NSMAF: variants seen among roughly 807,000 people sequenced by gnomAD.
The protein encoded by NSMAF is protein FAN.
In NSMAF, 90 loss-of-function variants were observed where a neutral mutation model predicts 134.9. That is an observed-to-expected ratio of 0.67 (90% CI 0.56 to 0.79). The LOEUF (loss-of-function observed/expected upper bound fraction) is 0.79. NSMAF is among the 30% of genes least tolerant of loss of function. The probability of loss-of-function intolerance (pLI) is 0.00; values close to 1 mark genes in which losing one functional copy is unlikely to be tolerated. For synonymous variants in NSMAF, 358 were observed against 389.6 expected (o/e 0.92, Z 0.96); for missense variants, 1,010 against 1,119.0 (o/e 0.90, Z 1.39).
intron 1 of NSMAF, 25 bp downstream of exon 1, chr8:58,659,548 G>C (rs1322639034): frequency 2.6e-6 from 4 of 1,524,616 alleles, no homozygotes; most frequent in Non-Finnish European, 3.5e-6. Context: ...CCCCCGGCTG[G>C]GCCCTTCTTC....
Position 58,586,478 on chromosome 8 carries a change from C to A in NSMAF, c.2426G>T (p.Cys809Phe). ...HQIPCHSGIV[C>F]DTAFSPDSRH... ...TCTACCTGGGCTAAAAGCAGTGTCA[C>A]ATACAATCCCTGAATGGCATGGAAT... is the stretch of plus-strand genomic sequence containing the variant. Residue 809 changes from cysteine (C) to phenylalanine (F), a missense_variant, in exon 28 of 31, where the codon TGT becomes TTT. Coordinates refer to ENST00000038176, the MANE Select transcript of NSMAF (RefSeq NM_003580.4). 6.2e-7 allele frequency: 1 copy of A among 1,608,534 alleles called. No individual in the cohort carries two copies. Among genetic ancestry groups the A allele is most frequent in the Non-Finnish European group, 8.5e-7 (1 of 1,179,958 alleles).
intron 23 of NSMAF, among the ~76,000 whole-genome samples, chr8:58,592,034 TGAAAAC>T (rs1806032613): frequency 6.6e-6 from 1 of 152,232 alleles, no homozygotes; most frequent in Non-Finnish European, 1.5e-5. Flanking sequence ...AGCATTAATT[TGAAAAC>T]GAAAACAGAA....
intron 9 of NSMAF, among the ~76,000 whole-genome samples, chr8:58,618,308 A>C (rs989113687): frequency 6.6e-6 from 1 of 152,112 alleles, no homozygotes; most frequent in Non-Finnish European, 1.5e-5. Context: ...TTAAAGTATA[A>C]TTTTTTTAAA....
Position 58,601,270 on chromosome 8 carries a change from G to A in NSMAF, c.1280+15C>T. 1 of 1,600,328 alleles carries A rather than the reference G, an allele frequency of 6.2e-7. No individual in the cohort carries two copies. The highest frequency in any genetic ancestry group is 8.6e-7 in the Non-Finnish European group (1 of 1,167,494). On this transcript the variant is annotated intron_variant, in intron 16 of 30. Transcript: ENST00000038176. ...GAAAGTGTTAAAAATGATAAGCAAG[G>A]CATTTGTATCAAACCTGTTGAACAT...
intron 6 of NSMAF, among the ~76,000 whole-genome samples, chr8:58,625,546 G>A (rs530570021): frequency 2.6e-5 from 4 of 151,988 alleles, no homozygotes; most frequent in East Asian, 3.9e-4. Flanking sequence ...AATATCCTTC[G>A]TCTCTTGTGA....
chr8:58,622,951 G>T (rs1311606937), intron 9 of NSMAF, among the ~76,000 whole-genome samples: 1 of 152,176 alleles, frequency 6.6e-6, no homozygotes, highest in East Asian at 1.9e-4. Context: ...GGTGGGAGGT[G>T]ACGGTGGCCT....
chr8:58,601,548 A>G lies in NSMAF; in HGVS notation c.1126-13T>C. ...CCTGGTAGCGTGTCTAGAATACAGA[A>G]AAAAAAAAAAAATAGAGCTAAGTGT... On this transcript the variant is annotated splice_polypyrimidine_tract_variant and intron_variant, in intron 14 of 30. Transcript: ENST00000038176. 2 of 1,509,502 alleles carry G rather than the reference A, an allele frequency of 1.3e-6. No homozygotes were observed. Among genetic ancestry groups the G allele is most frequent in the Non-Finnish European group, 1.8e-6 (2 of 1,115,786 alleles). The allele number at this position is 1,509,502 out of a possible 1,614,324, so 93.5% of individuals were successfully genotyped here.
chr8:58,589,579 A>C lies in NSMAF; in HGVS notation c.2088-4T>G. On this transcript the variant is annotated splice_region_variant and splice_polypyrimidine_tract_variant and intron_variant, in intron 25 of 30. Coordinates refer to ENST00000038176, the MANE Select transcript of NSMAF (RefSeq NM_003580.4). ...AAATGCTATGGAATAAAAATAGCTA[A>C]AAGATAATGAGAAGCATTAAAACAG... 1.3e-6 allele frequency: 2 copies of C among 1,565,392 alleles called. No individual in the cohort carries two copies. The highest frequency in any genetic ancestry group is 2.5e-5 in the South Asian group (2 of 81,084).
intron 24 of NSMAF, among the ~76,000 whole-genome samples, chr8:58,590,408 C>T (rs775892226): frequency 3.3e-5 from 5 of 152,152 alleles, no homozygotes; most frequent in African/African-American, 9.7e-5. Context: ...GAAAATACCC[C>T]CTCTGGACTA....
chr8:58,630,788 C>T (rs961365293), intron 6 of NSMAF, among the ~76,000 whole-genome samples: 10 of 152,140 alleles, frequency 6.6e-5, no homozygotes, highest in Non-Finnish European at 1.5e-4. Flanking sequence ...CAATTTGTGC[C>T]GCCTAAGAGA....
intron 1 of NSMAF, among the ~76,000 whole-genome samples, chr8:58,652,323 G>A (rs891701184): frequency 2.0e-5 from 3 of 152,140 alleles, no homozygotes; most frequent in African/African-American, 7.2e-5. Flanking sequence ...AAAGTTTCAG[G>A]GAAAACTGCT....
intron 1 of NSMAF, chr8:58,659,067 T>A: frequency 6.9e-6 from 5 of 729,734 alleles, no homozygotes; most frequent in Non-Finnish European, 1.0e-5. Flanking sequence ...GGCGCGGCAA[T>A]GCGAGTGGGT....
intron 1 of NSMAF, among the ~76,000 whole-genome samples, chr8:58,650,218 C>T (rs1807552652): frequency 1.3e-5 from 2 of 152,180 alleles, no homozygotes; most frequent in African/African-American, 4.8e-5. Context: ...TGGTACCAGG[C>T]TAGGCCTAGG....
chr8:58,640,912 A>C (rs1369847580), intron 2 of NSMAF, among the ~76,000 whole-genome samples: 1 of 151,698 alleles, frequency 6.6e-6, no homozygotes, highest in Non-Finnish European at 1.5e-5. Context: ...TTTCTTTTTT[A>C]TTTTTATTTA....
intron 16 of NSMAF, 184 bp downstream of exon 16, chr8:58,601,101 A>G (rs899743343): frequency 4.0e-6 from 2 of 496,932 alleles, no homozygotes; most frequent in African/African-American, 3.9e-5. Flanking sequence ...TGTACATAAA[A>G]TATGTTCTCA....
At chr8:58,588,499 C>T (rs1805945564) in intron 26 of NSMAF, 23 of 1,192,510 alleles carry the variant, frequency 1.9e-5, no homozygotes, top group East Asian at 9.3e-5. Context: ...GCAGGCTTCA[C>T]GAGATCGATT....
In NSMAF at chr8:58,597,428, G is replaced by C; in HGVS notation, c.1751C>G (p.Ser584Cys). Residue 584 changes from serine (S) to cysteine (C), a missense_variant, in exon 21 of 31, where the codon TCC (serine) becomes TGC (cysteine). By Grantham distance (112) the Ser-to-Cys change is moderately radical. Transcript: ENST00000038176. ...AGAAGCATTATAACTGGAGGTCTGGGACAAACTTTTAAACTTTGGGGTGAT... is the reference window on the plus strand; with the variant it reads ...AGAAGCATTATAACTGGAGGTCTGGCACAAACTTTTAAACTTTGGGGTGAT... The part of the protein sequence containing the change: ...RRITPKFKSL[S>C]QTSSYNASMA... 1.9e-6 allele frequency: 3 copies of C among 1,614,158 alleles called. No individual in the cohort carries two copies. Among genetic ancestry groups the C allele is most frequent in the Non-Finnish European group, 2.5e-6 (3 of 1,180,006 alleles).
Position 58,623,698 on chromosome 8 carries a change from C to T in NSMAF, c.456+11G>A, listed in dbSNP as rs1184084683. 1.2e-6 allele frequency: 2 copies of T among 1,610,968 alleles called. No individual in the cohort carries two copies. Among genetic ancestry groups the T allele is most frequent in the Non-Finnish European group, 1.7e-6 (2 of 1,177,774 alleles). On this transcript the variant is annotated intron_variant, in intron 7 of 30. Coordinates refer to ENST00000038176, the MANE Select transcript of NSMAF (RefSeq NM_003580.4). The stretch of plus-strand genomic sequence containing the variant: ...AGTTTGCTTTGAATTTTCTACCCAG[C>T]AAGTGCTTACCTGAAGCAACGTCTC...
At chr8:58,628,696 T>C (rs1177361292) in intron 6 of NSMAF, among the ~76,000 whole-genome samples, 1 of 152,180 alleles carries the variant, frequency 6.6e-6, no homozygotes. Flanking sequence ...GGACTCACTT[T>C]AGCATTTCCT....
Sources: gnomAD v4.1 joint callset for allele counts (sites outside exome capture counted in the v4.1 genomes callset) on GRCh38, gnomAD v4.1.1 for gene constraint, MANE v1.5 for transcripts, NCBI Gene and HGNC (gene_info 2026-07-23, HGNC 2026-07-21) for gene names.